The following HS1BP3 variants were observed in gnomAD, a reference collection of about 807,000 sequenced individuals.
The protein encoded by HS1BP3 is HCLS1-binding protein 3.
A neutral mutation model predicts 33.5 loss-of-function variants in HS1BP3; 32 were observed. That is an observed-to-expected ratio of 0.95 (90% CI 0.72 to 1.28). The LOEUF is 1.28. HS1BP3 is among the 50% of genes most tolerant of loss of function. The pLI, the probability that HS1BP3 is intolerant of heterozygous loss-of-function variation, is 0.00. For synonymous variants in HS1BP3, 187 were observed against 209.2 expected, an observed-to-expected ratio of 0.89 and a Z score of 0.92; for missense variants, 486 against 502.3, an observed-to-expected ratio of 0.97 and a Z score of 0.31.
chr2:20,556,619 A>T (rs1240987564), downstream of HS1BP3, among the ~76,000 whole-genome samples: 1 of 152,232 alleles, frequency 6.6e-6, no homozygotes, highest in East Asian at 1.9e-4. Flanking sequence ...TTGGCCCCTC[A>T]GAGAAGCAAC....
At chr2:20,590,375 C>A (rs911996658), downstream of HS1BP3, among the ~76,000 whole-genome samples, 4 of 152,204 alleles carry the variant, frequency 2.6e-5, no homozygotes, top group African/African-American at 9.6e-5. Flanking sequence ...TTTACTGAGG[C>A]TGGAGTCACC....
intron 3 of HS1BP3, among the ~76,000 whole-genome samples, chr2:20,597,154 G>A (rs1481172223): frequency 2.6e-5 from 4 of 152,198 alleles, no homozygotes; most frequent in Non-Finnish European, 4.4e-5. Flanking sequence ...AGCAGCATGA[G>A]GCCCTTGGCC....
intron 2 of HS1BP3, among the ~76,000 whole-genome samples, chr2:20,607,464 C>T (rs1467741865): frequency 6.6e-6 from 1 of 152,202 alleles, no homozygotes; most frequent in Non-Finnish European, 1.5e-5. Context: ...CCTCTGACTT[C>T]ATTCTTTTAC....
chr2:20,582,437 G>A (rs975105898), intron 5 of HS1BP3, among the ~76,000 whole-genome samples: 2 of 152,062 alleles, frequency 1.3e-5, no homozygotes, highest in Admixed American at 1.3e-4. Context: ...GGGCCTCTCA[G>A]GCAGCACAGA....
At chr2:20,602,619 T>C (rs1694094620) in intron 2 of HS1BP3, among the ~76,000 whole-genome samples, 1 of 152,148 alleles carries the variant, frequency 6.6e-6, no homozygotes, top group African/African-American at 2.4e-5. Context: ...GTTTTTGAAA[T>C]CTGATGACTG....
chr2:20,593,018 A>T (rs1038248321), intron 3 of HS1BP3, among the ~76,000 whole-genome samples: 3 of 152,042 alleles, frequency 2.0e-5, no homozygotes, highest in Non-Finnish European at 4.4e-5. Context: ...GCCCTTCAGG[A>T]TCTGGCCTTA....
intron 6 of HS1BP3, 101 bp downstream of exon 6, chr2:20,623,795 C>G (rs899579432): frequency 1.1e-5 from 15 of 1,368,066 alleles, no homozygotes; most frequent in Admixed American, 8.7e-5. Flanking sequence ...GGGTCCTCCC[C>G]TCAGAGGAGG....
Position 20,640,610 on chromosome 2 carries a change from G to C in HS1BP3, c.406+363C>G. On this transcript the variant is annotated intron_variant, in intron 3 of 6. Transcript: ENST00000304031. ...TACTGCAGGTCCCTAGGGCTGGTTGGAGGAGGCAGAGGGGAGTGTGGGGTG... is the reference window on the plus strand; with the variant it reads ...TACTGCAGGTCCCTAGGGCTGGTTGCAGGAGGCAGAGGGGAGTGTGGGGTG... 4 of 487,534 alleles carry C rather than the reference G, an allele frequency of 8.2e-6. No individual in the cohort carries two copies. In the East Asian group the frequency reaches 8.9e-5, roughly 11 times the overall value. The allele number at this position is 487,534 out of a possible 1,614,324, so 30.2% of individuals were successfully genotyped here.
At chr2:20,587,786 C>T (rs2149277909), downstream of HS1BP3, among the ~76,000 whole-genome samples, 1 of 152,306 alleles carries the variant, frequency 6.6e-6, no homozygotes, top group South Asian at 2.1e-4. Context: ...TAAAAAGAAT[C>T]AGACCACTGT....
At chr2:20,596,683 C>T (rs535381295) in intron 3 of HS1BP3, among the ~76,000 whole-genome samples, 1 of 152,306 alleles carries the variant, frequency 6.6e-6, no homozygotes, top group African/African-American at 2.4e-5. Context: ...CTCTTCCCCC[C>T]ACCCACATAC....
At chr2:20,629,391 C>T (rs1358310305) in intron 4 of HS1BP3, among the ~76,000 whole-genome samples, 1 of 152,204 alleles carries the variant, frequency 6.6e-6, no homozygotes, top group Non-Finnish European at 1.5e-5. Flanking sequence ...CGCCCTCCAG[C>T]CCGCCCTCTG....
chr2:20,607,742 T>C (rs1292764992), intron 2 of HS1BP3, among the ~76,000 whole-genome samples: 2 of 152,244 alleles, frequency 1.3e-5, no homozygotes, highest in Non-Finnish European at 2.9e-5. Context: ...GGGTCCCTTG[T>C]AATTCCATAC....
At chr2:20,589,767 T>A (rs1317338408), downstream of HS1BP3, among the ~76,000 whole-genome samples, 1 of 151,938 alleles carries the variant, frequency 6.6e-6, no homozygotes, top group Admixed American at 6.6e-5. Flanking sequence ...CTTCCAGAAC[T>A]GGAGGACTTG....
intron 6 of HS1BP3, among the ~76,000 whole-genome samples, chr2:20,621,463 T>G (rs1419977158): frequency 6.6e-6 from 1 of 151,976 alleles, no homozygotes; most frequent in Non-Finnish European, 1.5e-5. Context: ...GGGGTAGAGG[T>G]GATTTCAGGA....
intron 2 of HS1BP3, among the ~76,000 whole-genome samples, chr2:20,599,217 G>A (rs1425405075): frequency 1.3e-5 from 2 of 152,256 alleles, no homozygotes; most frequent in Non-Finnish European, 2.9e-5. Flanking sequence ...ACAAGAAGGT[G>A]GAGGAGCTGT....
intron 2 of HS1BP3, among the ~76,000 whole-genome samples, chr2:20,603,023 G>T (rs935317379): frequency 1.3e-5 from 2 of 152,212 alleles, no homozygotes; most frequent in African/African-American, 4.8e-5. Context: ...AAACCACCAT[G>T]AGCTGTCACT....
At chr2:20,635,268 G>A (rs932020459) in intron 4 of HS1BP3, 1 of 152,120 alleles carries the variant, frequency 6.6e-6, no homozygotes, top group East Asian at 1.9e-4. Flanking sequence ...AGAAAACCCC[G>A]CCACGCCCAC....
chr2:20,571,829 C>T (rs1693281846), intron 5 of HS1BP3, among the ~76,000 whole-genome samples: 1 of 152,252 alleles, frequency 6.6e-6, no homozygotes, highest in African/African-American at 2.4e-5. Context: ...CCTGGTATCT[C>T]CCCAGTGCCA....
In HS1BP3 at chr2:20,619,189, G is replaced by A. The variant is rs1694517264; in HGVS notation, c.977C>T (p.Pro326Leu). 1 of 1,613,946 alleles carries A rather than the reference G, an allele frequency of 6.2e-7. No homozygotes were observed. The highest frequency in any genetic ancestry group is 2.2e-5 in the East Asian group (1 of 44,882). Residue 326 changes from proline to leucine, a missense_variant, in exon 7 of 7, where the codon CCC becomes CTC. Transcript: ENST00000304031. ...CACTGGTGGCTTGGGCTTAAGCTGG[G>A]GCTTGGGTTTGGGCTCAGCTCCCAG... Reference protein sequence around the residue: ...LNLGAEPKPKPQLKPKPPVAA... With the variant: ...LNLGAEPKPKLQLKPKPPVAA...
Sources: gnomAD v4.1 joint callset for allele counts (sites outside exome capture counted in the v4.1 genomes callset) on GRCh38, gnomAD v4.1.1 for gene constraint, MANE v1.5 for transcripts, NCBI Gene and HGNC (gene_info 2026-07-23, HGNC 2026-07-21) for gene names.